EYS: variants seen among roughly 807,000 people sequenced by gnomAD.
The protein encoded by EYS is EGF-like photoreceptor maintenance factor, also known as protein eyes shut homolog.
EYS carries 250 observed loss-of-function variants against 282.1 expected under a neutral mutation model. The observed-to-expected ratio is 0.89, with a 90% CI of 0.80 to 0.98. EYS has a LOEUF of 0.98. Ranked by LOEUF, EYS falls within the 50% of genes least tolerant of loss-of-function variation. The pLI, the probability that EYS is intolerant of heterozygous loss-of-function variation, is 0.00. For synonymous variants in EYS, 1,355 were observed against 1,282.9 expected (o/e 1.06, Z -1.20); for missense variants, 4,016 against 3,709.0 (o/e 1.08, Z -2.15).
At chr6:63,824,784 C>A (rs531418004) in intron 36 of EYS, among the ~76,000 whole-genome samples, 67 of 152,274 alleles carry the variant, frequency 4.4e-4, no homozygotes, top group African/African-American at 1.6e-3. Context: ...CAGCCCATTC[C>A]TGCCTGGCAC....
intron 16 of EYS, among the ~76,000 whole-genome samples, chr6:64,908,498 G>A (rs1767898058): frequency 6.6e-6 from 1 of 151,866 alleles, no homozygotes; most frequent in Non-Finnish European, 1.5e-5. Flanking sequence ...GGCCTTTCTG[G>A]GTACCCACAC....
At chr6:64,906,704 T>C (rs1457312553) in intron 16 of EYS, among the ~76,000 whole-genome samples, 2 of 152,198 alleles carry the variant, frequency 1.3e-5, no homozygotes, top group Non-Finnish European at 2.9e-5. Context: ...TTTGCCACAT[T>C]TTAATCCTGT....
intron 5 of EYS, among the ~76,000 whole-genome samples, chr6:65,432,061 C>T (rs1767908482): frequency 6.6e-6 from 1 of 151,940 alleles, no homozygotes; most frequent in Admixed American, 6.6e-5. Context: ...TCTCTAAACC[C>T]AGTTAATTAA....
intron 12 of EYS, among the ~76,000 whole-genome samples, chr6:65,205,546 T>C (rs1374473611): frequency 6.6e-6 from 1 of 151,856 alleles, no homozygotes; most frequent in Non-Finnish European, 1.5e-5. Context: ...CTCTAAACTA[T>C]GTGGTCCTAA....
chr6:64,874,680 C>T (rs1766691005), intron 19 of EYS, among the ~76,000 whole-genome samples: 1 of 151,930 alleles, frequency 6.6e-6, no homozygotes. Flanking sequence ...TGGGCAATGA[C>T]TAAATAATTA....
rs562379349 is a variant in EYS at position 65,049,617 on chromosome 6, G to T, written c.2137+7997C>A. On this transcript the variant is annotated intron_variant, in intron 13 of 42. Coordinates refer to ENST00000503581, the MANE Select transcript of EYS (RefSeq NM_001142800.2). ...GGAAATGAAGAAAGGTACCCATTTA[G>T]AAAACAATAGCGTTGTTATTACTTT... 4.1e-4 allele frequency among the ~76,000 whole-genome samples: 62 copies of T among 151,776 alleles called. No homozygotes were observed. The South Asian group carries it at 6.8e-3, about 17-fold the overall frequency.
At chr6:64,339,212 A>G (rs1307649725) in intron 29 of EYS, among the ~76,000 whole-genome samples, 1 of 152,036 alleles carries the variant, frequency 6.6e-6, no homozygotes, top group Non-Finnish European at 1.5e-5. Context: ...AGTGGGAGAA[A>G]ATCTTCACAA....
Position 64,330,211 on chromosome 6 carries a change from T to G in EYS, c.6079-23129A>C, listed in dbSNP as rs548738247. Among the ~76,000 whole-genome samples, 6 of 152,316 alleles carry G rather than the reference T, an allele frequency of 3.9e-5. No homozygotes were observed. In the South Asian group the frequency reaches 1.2e-3, roughly 32 times the overall value. The stretch of plus-strand genomic sequence containing the variant: ...TGTCTAAGGAAAAGGCACAAATCTG[T>G]GGCCAAAGAGCAAGGTATCTTGGCT... On this transcript the variant is annotated intron_variant, in intron 29 of 42. Coordinates refer to ENST00000503581, the MANE Select transcript of EYS (RefSeq NM_001142800.2).
intron 34 of EYS, among the ~76,000 whole-genome samples, chr6:63,990,441 C>A (rs1424493068): frequency 6.6e-6 from 1 of 151,730 alleles, no homozygotes; most frequent in Admixed American, 6.6e-5. Context: ...AAACTCCCAG[C>A]TTCCAGTTTT....
intron 29 of EYS, among the ~76,000 whole-genome samples, chr6:64,366,545 T>C (rs560336164): frequency 3.3e-5 from 5 of 152,172 alleles, no homozygotes; most frequent in African/African-American, 1.2e-4. Context: ...ATAAAATAAA[T>C]TGATATCTAA....
intron 12 of EYS, among the ~76,000 whole-genome samples, chr6:65,115,938 C>CTATG (rs1454468874): frequency 7.5e-6 from 1 of 132,558 alleles, no homozygotes; most frequent in East Asian, 2.0e-4. Flanking sequence ...AATGAAATAA[C>CTATG]TATGTCTGTC....
chr6:65,005,767 G>A (rs759988952), intron 13 of EYS, among the ~76,000 whole-genome samples: 1 of 119,198 alleles, frequency 8.4e-6, no homozygotes, highest in Non-Finnish European at 2.0e-5. Flanking sequence ...ACCGACTAGA[G>A]GTAGAAAGCA....
At chr6:65,124,070 A>G (rs1775647212) in intron 12 of EYS, among the ~76,000 whole-genome samples, 1 of 152,032 alleles carries the variant, frequency 6.6e-6, no homozygotes, top group Non-Finnish European at 1.5e-5. Context: ...GCTACTTGGG[A>G]AGCTGAGGTA....
intron 5 of EYS, among the ~76,000 whole-genome samples, chr6:65,455,993 G>GAGAA (rs1220061483): frequency 8.3e-6 from 1 of 121,134 alleles, no homozygotes; most frequent in African/African-American, 2.6e-5. Context: ...GAAAGAGAGA[G>GAGAA]AGAAAGAAAA....
intron 26 of EYS, among the ~76,000 whole-genome samples, chr6:64,471,353 A>G (rs550906233): frequency 6.6e-6 from 1 of 152,300 alleles, no homozygotes; most frequent in East Asian, 1.9e-4. Flanking sequence ...CCTAAAGACT[A>G]GGCCAAAAGA....
chr6:64,704,567 A>ATAATTATAATAC (rs1562145052), intron 22 of EYS, among the ~76,000 whole-genome samples: 1 of 149,024 alleles, frequency 6.7e-6, no homozygotes, highest in African/African-American at 2.5e-5. Context: ...TAATACTCTC[A>ATAATTATAATAC]TTGAAAGTAG....
intron 12 of EYS, among the ~76,000 whole-genome samples, chr6:65,107,494 C>T (rs1775075425): frequency 6.6e-6 from 1 of 151,228 alleles, no homozygotes; most frequent in South Asian, 2.1e-4. Flanking sequence ...CAAATGGCTG[C>T]GATCTAACTT....
chr6:65,291,926 G>A (rs1768537933), intron 12 of EYS, among the ~76,000 whole-genome samples: 1 of 151,556 alleles, frequency 6.6e-6, no homozygotes, highest in South Asian at 2.1e-4. Flanking sequence ...CCTACAATAT[G>A]TCTTGAAAGC....
intron 19 of EYS, among the ~76,000 whole-genome samples, chr6:64,825,156 C>A (rs911716604): frequency 2.0e-5 from 3 of 151,864 alleles, no homozygotes; most frequent in African/African-American, 4.8e-5. Context: ...TCTAAAAAAT[C>A]TCTTCCAAAT....
Sources: gnomAD v4.1 joint callset for allele counts (sites outside exome capture counted in the v4.1 genomes callset) on GRCh38, gnomAD v4.1.1 for gene constraint, MANE v1.5 for transcripts, NCBI Gene and HGNC (gene_info 2026-07-23, HGNC 2026-07-21) for gene names.